ADAM11: variants seen among roughly 807,000 people sequenced by gnomAD.
The protein encoded by ADAM11 is ADAM metallopeptidase domain 11.
A neutral mutation model predicts 119.1 loss-of-function variants in ADAM11; 49 were observed. That is an observed-to-expected ratio of 0.41 (90% CI 0.33 to 0.52). The LOEUF is 0.52. Among genes scored for constraint, ADAM11 ranks in the 20% least tolerant of loss-of-function variants. The probability of loss-of-function intolerance (pLI) is 0.20; values close to 1 mark genes in which losing one functional copy is unlikely to be tolerated. For missense variants in ADAM11, 777 were observed against 1,047.5 expected (o/e 0.74, Z 3.56); for synonymous variants, 364 against 408.0 (o/e 0.89, Z 1.30).
rs1209600406 is a variant in ADAM11 at position 44,780,097 on chromosome 17, C to T, written c.*343C>T. ...ATGCCCCCAGGCAGCCACCAGTGGA[C>T]CTAGCCTGGATGGCCCCTCCTTGCA... On this transcript the variant is annotated 3_prime_UTR_variant, in exon 27 of 27. Coordinates refer to ENST00000200557, the MANE Select transcript of ADAM11 (RefSeq NM_002390.6). 3 of 641,976 alleles carry T rather than the reference C, an allele frequency of 4.7e-6. No homozygotes were observed. The allele number at this position is 641,976 out of a possible 1,614,324, so 39.8% of individuals were successfully genotyped here.
At chr17:44,771,928 CTCAGTAACCCCAGCCTCACTGCCCTCT>C (rs1378327673) in intron 6 of ADAM11, 97 bp downstream of exon 6, 76 of 1,390,496 alleles carry the variant, frequency 5.5e-5, no homozygotes, top group Non-Finnish European at 7.1e-5. Context: ...CGGCTCCTCC[CTCAGTAACCCCAGCCTCACTGCCCTCT>C]TCAGTGACCC....
At chr17:44,778,632 A>G (rs1183834137) in intron 25 of ADAM11, among the ~76,000 whole-genome samples, 1 of 132,826 alleles carries the variant, frequency 7.5e-6, no homozygotes, top group Non-Finnish European at 1.6e-5. Flanking sequence ...TGGAGGTTGC[A>G]GTGAGCTGAG....
chr17:44,774,615 C>T (rs1445520549), intron 13 of ADAM11, 33 bp downstream of exon 13: 27 of 1,605,630 alleles, frequency 1.7e-5, no homozygotes, highest in Non-Finnish European at 2.1e-5. Flanking sequence ...GTGTGGCCCA[C>T]GCCCAGCAGC....
Position 44,772,272 on chromosome 17 carries a change from C to G in ADAM11, c.549C>G (p.Pro183=). 6.2e-7 allele frequency: 1 copy of G among 1,608,336 alleles called. No individual in the cohort carries two copies. The highest frequency in any genetic ancestry group is 8.5e-7 in the Non-Finnish European group (1 of 1,177,124). ...VAGPWGAPQG[P]LPHLIYRTPL... ...CTAATTTCCCCTCATTGCAGGGACCCCTTCCCCACCTCATTTACCGGACCC... is the reference window on the plus strand; with the variant it reads ...CTAATTTCCCCTCATTGCAGGGACCGCTTCCCCACCTCATTTACCGGACCC... The change falls in exon 7 of 27, where the codon CCC becomes CCG. Residue 183 remains proline, a synonymous_variant. Coordinates refer to ENST00000200557, the MANE Select transcript of ADAM11 (RefSeq NM_002390.6). This position sits in a 1 kb window ranked among gnomAD's most constrained non-coding sequence, Gnocchi z 4.5.
chr17:44,780,132 C>T lies in ADAM11; in HGVS notation c.*378C>T. 1 of 604,302 alleles carries T rather than the reference C, an allele frequency of 1.7e-6. No individual in the cohort carries two copies. Among genetic ancestry groups the T allele is most frequent in the Non-Finnish European group, 3.1e-6 (1 of 321,510 alleles). 37.4% of individuals were successfully genotyped at this position (604,302 alleles called of 1,614,324 possible). ...ATGGCCCCTCCTTGCAACCAGGCAGCTGAGACCAGGGTCTTACCTCTCTGG... is the reference window on the plus strand; with the variant it reads ...ATGGCCCCTCCTTGCAACCAGGCAGTTGAGACCAGGGTCTTACCTCTCTGG... On this transcript the variant is annotated 3_prime_UTR_variant, in exon 27 of 27. Coordinates refer to ENST00000200557, the MANE Select transcript of ADAM11 (RefSeq NM_002390.6).
rs71136047 is a variant in ADAM11 at position 44,778,713 on chromosome 17, A to AAAAAAG, written c.2276+471_2276+472insAAAAAG. 1.4e-3 allele frequency among the ~76,000 whole-genome samples: 111 copies of AAAAAAG among 80,454 alleles called. 13 individuals are homozygous for AAAAAAG. The highest frequency in any genetic ancestry group is 4.8e-3 in the African/African-American group (87 of 18,140). 52.8% of individuals were successfully genotyped at this position (80,454 alleles called of 152,430 possible). A position where few individuals can be genotyped will look rare whatever the true frequency, so the allele number is the denominator to read the frequency against. On this transcript the variant is annotated intron_variant, in intron 25 of 26. Transcript: ENST00000200557. ...CAAAAAAAAAAAAAAAAAAAAAAAA[A>AAAAAAG]GAAAGAAAGAGAGAAAGAAAAGAAA...
At position 44,773,422 on chromosome 17, in the gene ADAM11, C is replaced by G. The variant is rs754777814; in HGVS notation, c.987C>G (p.Leu329=). Residue 329 remains leucine (L), a synonymous_variant, in exon 11 of 27, where the codon CTC becomes CTG. Transcript: ENST00000200557. The surrounding 1 kb of genome is among the most constrained non-coding windows in gnomAD (Gnocchi z 4.6). ...CTGAGCCCAGTGATGCCACCCACCTCTTCTCGTGAGTCCCCCACCCTGCAC... is the reference window on the plus strand; with the variant it reads ...CTGAGCCCAGTGATGCCACCCACCTGTTCTCGTGAGTCCCCCACCCTGCAC... ...GLPEPSDATH[L]FSGRTFQSTS... is the part of the protein sequence containing the mutation. 1 of 1,612,868 alleles carries G rather than the reference C, an allele frequency of 6.2e-7. No individual in the cohort carries two copies. Among genetic ancestry groups the G allele is most frequent in the East Asian group, 2.2e-5 (1 of 44,846 alleles).
chr17:44,774,115 A>AAGAT (rs2049565232), intron 11 of ADAM11, among the ~76,000 whole-genome samples, 180 bp from the exon 12 acceptor site: 1 of 107,080 alleles, frequency 9.3e-6, no homozygotes, highest in Non-Finnish European at 2.1e-5. Flanking sequence ...AAAAGAAAGA[A>AAGAT]AAAAAAGAAC....
intron 2 of ADAM11, among the ~76,000 whole-genome samples, chr17:44,767,543 G>A (rs1229782731): frequency 6.6e-6 from 1 of 152,028 alleles, no homozygotes; most frequent in Non-Finnish European, 1.5e-5. Context: ...TTGTGTCCCC[G>A]CATGGGGCCA....
intron 2 of ADAM11, among the ~76,000 whole-genome samples, chr17:44,765,918 C>A (rs1319219002): frequency 6.6e-6 from 1 of 152,190 alleles, no homozygotes; most frequent in Non-Finnish European, 1.5e-5. Context: ...CCTGGCCCAA[C>A]AATTCTGTTT....
chr17:44,767,062 T>A (rs983850430), intron 2 of ADAM11, among the ~76,000 whole-genome samples: 6 of 151,740 alleles, frequency 4.0e-5, no homozygotes, highest in African/African-American at 4.8e-5. Flanking sequence ...TAATTAATTT[T>A]AAAAAAAGAA....
Position 44,773,170 on chromosome 17 carries a change from C to G in ADAM11, c.825+85C>G, listed in dbSNP as rs907147763. On this transcript the variant is annotated intron_variant, in intron 10 of 26. Coordinates refer to ENST00000200557, the MANE Select transcript of ADAM11 (RefSeq NM_002390.6). The surrounding 1 kb of genome is among the most constrained non-coding windows in gnomAD (Gnocchi z 4.6). The stretch of plus-strand genomic sequence containing the variant: ...ATTAGGGGGCACTGTCAGCCCCTGG[C>G]TCCCACTTCCTGGAGAGAACAGACA... 39 of 1,590,412 alleles carry G rather than the reference C, an allele frequency of 2.5e-5. 1 individual carries two copies. In the Middle Eastern group the frequency reaches 8.4e-4, roughly 34 times the overall value.
chr17:44,779,116 C>G, intron 25 of ADAM11, 106 bp from the exon 26 acceptor site: 1 of 1,462,140 alleles, frequency 6.8e-7, no homozygotes, highest in South Asian at 1.3e-5. Flanking sequence ...ACCCCGGCCC[C>G]GCTCTGGGGC....
At position 44,774,451 on chromosome 17, in the gene ADAM11, G is replaced by C. The variant is rs900099826; in HGVS notation, c.1078-41G>C. The C allele has an allele frequency of 2.5e-6, 4 of 1,603,536 alleles. No individual in the cohort carries two copies. In the African/African-American group the frequency reaches 5.4e-5, roughly 21 times the overall value. ...GCTTCAGGGGCACGACGTGCCTGTT[G>C]GAAGATGTAGACATCTGTGCCCCAT... is the stretch of plus-strand genomic sequence containing the variant. On this transcript the variant is annotated intron_variant, in intron 12 of 26. Coordinates refer to ENST00000200557, the MANE Select transcript of ADAM11 (RefSeq NM_002390.6).
chr17:44,776,375 T>C lies in ADAM11; in HGVS notation c.1566+168T>C, dbSNP rs2049601793. Among the ~76,000 whole-genome samples, 2 of 152,218 alleles carry C rather than the reference T, an allele frequency of 1.3e-5. No individual in the cohort carries two copies. The highest frequency in any genetic ancestry group is 2.9e-5 in the Non-Finnish European group (2 of 68,024). On this transcript the variant is annotated intron_variant, in intron 18 of 26. Transcript: ENST00000200557. The surrounding 1 kb of genome is among the most constrained non-coding windows in gnomAD (Gnocchi z 5.2). ...CTGAGAAAGGGGTTCTTCATGCTCC[T>C]GGCCTTGTTCCTTCAATCATTAAAC...
At chr17:44,769,267 G>A (rs2145218227) in intron 2 of ADAM11, among the ~76,000 whole-genome samples, 1 of 152,294 alleles carries the variant, frequency 6.6e-6, no homozygotes, top group African/African-American at 2.4e-5. Context: ...GGCCGGGGTA[G>A]GGGGACAGGC....
intron 2 of ADAM11, among the ~76,000 whole-genome samples, chr17:44,762,474 G>A (rs986679465): frequency 3.9e-5 from 6 of 152,208 alleles, no homozygotes; most frequent in African/African-American, 7.2e-5. Context: ...ACTTGAGCCC[G>A]TGTGTGTCCT....
At chr17:44,761,331 G>A (rs2049386884) in intron 2 of ADAM11, among the ~76,000 whole-genome samples, 1 of 152,164 alleles carries the variant, frequency 6.6e-6, no homozygotes. Flanking sequence ...GAAAAGTCAG[G>A]TATTCCAACT....
Position 44,759,848 on chromosome 17 carries a change from G to A in ADAM11, c.188G>A (p.Arg63Gln), listed in dbSNP as rs1029282181. 7.6e-7 allele frequency: 1 copy of A among 1,313,880 alleles called. No individual in the cohort carries two copies. Among genetic ancestry groups the A allele is most frequent in the Middle Eastern group, 2.1e-4 (1 of 4,668 alleles). 81.4% of individuals were successfully genotyped at this position (1,313,880 alleles called of 1,614,324 possible). The change falls in exon 2 of 27, where the codon CGA (arginine) becomes CAA (glutamine). Residue 63 changes from arginine to glutamine, a missense_variant. Coordinates refer to ENST00000200557, the MANE Select transcript of ADAM11 (RefSeq NM_002390.6). ...AGGGAGAGCTCCGGGGGAGAGGTCC[G>A]AAAGCAGCAGCTGGACACAAGGGTC... The part of the protein sequence containing the change: ...LVRESSGGEV[R>Q]KQQLDTRVRQ...
Sources: allele counts gnomAD v4.1 joint callset (sites outside exome capture counted in the v4.1 genomes callset), GRCh38; gene constraint gnomAD v4.1.1; non-coding constraint Gnocchi (gnomAD v3.1); transcripts MANE v1.5; gene names NCBI Gene and HGNC (gene_info 2026-07-23, HGNC 2026-07-21).